The following MYO16 variants were observed in gnomAD, a reference collection of about 807,000 sequenced individuals.
MYO16 encodes unconventional myosin-XVI.
Under a neutral mutation model 205.3 loss-of-function variants are expected in MYO16, and 94 were observed. The ratio of observed to expected loss-of-function variants is 0.46; its 90% CI spans 0.39 to 0.54. The LOEUF (loss-of-function observed/expected upper bound fraction) is 0.54, where lower values mean the gene tolerates loss of function less well. Among genes scored for constraint, MYO16 ranks in the 20% least tolerant of loss-of-function variants. The pLI, the probability that MYO16 is intolerant of heterozygous loss-of-function variation, is 0.00. For synonymous variants in MYO16, 988 were observed against 954.0 expected (o/e 1.04, Z -0.66); for missense variants, 2,315 against 2,387.5 (o/e 0.97, Z 0.63).
At chr13:108,609,781 A>G (rs928930678) in intron 1 of MYO16, among the ~76,000 whole-genome samples, 6 of 152,160 alleles carry the variant, frequency 3.9e-5, no homozygotes, top group African/African-American at 1.4e-4. Flanking sequence ...TGATGGCCCT[A>G]CCATTTGTAG....
At chr13:108,582,188 C>T in the MYO16 span, among the ~76,000 whole-genome samples, 2 of 152,124 alleles carry the variant, frequency 1.3e-5, no homozygotes, top group Admixed American at 1.3e-4. Context: ...ATTTTTGGGA[C>T]CTTCTCTTGA....
chr13:108,911,601 A>T (rs530348870), intron 16 of MYO16, among the ~76,000 whole-genome samples: 1 of 152,220 alleles, frequency 6.6e-6, no homozygotes, highest in Non-Finnish European at 1.5e-5. Context: ...AAGAACAGCC[A>T]TGGTCAGAAA....
intron 2 of MYO16, among the ~76,000 whole-genome samples, chr13:108,677,335 G>GCA (rs1882261927): frequency 2.3e-5 from 2 of 87,478 alleles, no homozygotes; most frequent in South Asian, 5.8e-4. Flanking sequence ...GTGTGTGTGT[G>GCA]TATATATATA....
chr13:109,186,618 A>G (rs1347701369), intron 34 of MYO16, among the ~76,000 whole-genome samples: 2 of 152,108 alleles, frequency 1.3e-5, no homozygotes, highest in East Asian at 1.9e-4. Context: ...CAACACACAC[A>G]CACACACACA....
At chr13:108,595,881 C>CTTTTTTTTT (rs67620613), upstream of MYO16, among the ~76,000 whole-genome samples, 8 of 108,306 alleles carry the variant, frequency 7.4e-5, no homozygotes, top group Non-Finnish European at 1.1e-4. Context: ...AAATTAAGTC[C>CTTTTTTTTT]TTTTTTTTTT....
chr13:109,163,731 G>A (rs1348113393), intron 32 of MYO16, among the ~76,000 whole-genome samples: 1 of 152,060 alleles, frequency 6.6e-6, no homozygotes, highest in African/African-American at 2.4e-5. Context: ...AGAACATACA[G>A]GTTAAAGTTC....
At chr13:108,721,278 C>T (rs773853535) in intron 3 of MYO16, among the ~76,000 whole-genome samples, 1 of 152,208 alleles carries the variant, frequency 6.6e-6, no homozygotes, top group Non-Finnish European at 1.5e-5. Context: ...CGTCACTTTG[C>T]TCTCTCAGTT....
chr13:108,684,351 C>A (rs1248185715), intron 2 of MYO16, among the ~76,000 whole-genome samples: 10 of 152,018 alleles, frequency 6.6e-5, no homozygotes. Context: ...GAGAAGTGAA[C>A]ACAAAGAGGA....
At chr13:108,543,831 C>T in the MYO16 span, among the ~76,000 whole-genome samples, 30 of 146,570 alleles carry the variant, frequency 2.0e-4, no homozygotes, top group Non-Finnish European at 3.9e-4. Flanking sequence ...TTTGGGAGGC[C>T]GGGGTGGGTG....
the MYO16 span, among the ~76,000 whole-genome samples, chr13:108,498,297 A>G: frequency 0.012 from 1,776 of 152,298 alleles, 35 homozygotes; most frequent in African/African-American, 0.039. Context: ...GTGAAGGCGA[A>G]GAGGTCCAGA....
At chr13:108,705,221 T>C (rs1883462946) in intron 2 of MYO16, among the ~76,000 whole-genome samples, 2 of 152,228 alleles carry the variant, frequency 1.3e-5, no homozygotes, top group Non-Finnish European at 2.9e-5. Flanking sequence ...GTCCAGCATA[T>C]ACACTGTGTA....
At chr13:108,535,611 A>G in the MYO16 span, among the ~76,000 whole-genome samples, 3 of 152,178 alleles carry the variant, frequency 2.0e-5, no homozygotes, top group Admixed American at 2.0e-4. Flanking sequence ...CCTGTTAGGG[A>G]ATCTGTGGAA....
intron 23 of MYO16, among the ~76,000 whole-genome samples, chr13:109,038,441 G>A (rs1458408434): frequency 6.6e-6 from 1 of 152,042 alleles, no homozygotes; most frequent in Non-Finnish European, 1.5e-5. Context: ...CCTGCCCTTG[G>A]TACTCCTGGA....
chr13:108,697,737 T>A (rs1049319016), intron 2 of MYO16, among the ~76,000 whole-genome samples: 56 of 152,310 alleles, frequency 3.7e-4, no homozygotes, highest in African/African-American at 1.3e-3. Flanking sequence ...TTTTTCTTTT[T>A]TTTGAGACAG....
chr13:109,120,328 A>G (rs1875930775), intron 28 of MYO16, 42 bp from the exon 29 acceptor site: 1 of 1,336,512 alleles, frequency 7.5e-7, no homozygotes, highest in Non-Finnish European at 1.0e-6. Flanking sequence ...TCATTTTGGT[A>G]TCTTCATGCT....
chr13:108,568,662 C>A, the MYO16 span, among the ~76,000 whole-genome samples: 1 of 151,954 alleles, frequency 6.6e-6, no homozygotes, highest in Admixed American at 6.6e-5. Flanking sequence ...TTTATCAACT[C>A]CATGACAAAA....
At chr13:108,635,667 A>AT (rs1880192620) in intron 1 of MYO16, among the ~76,000 whole-genome samples, 1 of 151,742 alleles carries the variant, frequency 6.6e-6, no homozygotes, top group African/African-American at 2.4e-5. Context: ...CACTCGGCTA[A>AT]TTTTTTATTT....
chr13:108,607,030 T>C (rs539867347), intron 1 of MYO16, among the ~76,000 whole-genome samples: 1 of 152,330 alleles, frequency 6.6e-6, no homozygotes, highest in East Asian at 1.9e-4. Flanking sequence ...TGTAACCCCT[T>C]TGTTTTGGCC....
At chr13:108,826,542 T>G (rs538421456) in intron 9 of MYO16, among the ~76,000 whole-genome samples, 84 of 151,796 alleles carry the variant, frequency 5.5e-4, no homozygotes, top group African/African-American at 1.5e-3. Context: ...AGATAAGCAA[T>G]AAAAGCAAAA....
Sources: allele counts gnomAD v4.1 joint callset (sites outside exome capture counted in the v4.1 genomes callset), GRCh38; gene constraint gnomAD v4.1.1; transcripts MANE v1.5; gene names NCBI Gene and HGNC (gene_info 2026-07-23, HGNC 2026-07-21).